Variants in KNL1 observed in about 807,000 individuals in gnomAD.
The protein encoded by KNL1 is kinetochore scaffold 1, also known as outer kinetochore KNL1 complex subunit KNL1.
KNL1 carries 66 observed loss-of-function variants against 201.3 expected under a neutral mutation model. The ratio of observed to expected loss-of-function variants is 0.33; its 90% CI spans 0.27 to 0.40. The LOEUF is 0.40. Ranked by LOEUF, KNL1 falls within the 10% of genes least tolerant of loss-of-function variation. The pLI, the probability that KNL1 is intolerant of heterozygous loss-of-function variation, is 1.00. For synonymous variants in KNL1, 895 were observed against 899.2 expected (o/e 1.00, Z 0.08); for missense variants, 2,815 against 2,690.5 (o/e 1.05, Z -1.02).
intron 25 of KNL1, among the ~76,000 whole-genome samples, 197 bp downstream of exon 25, chr15:40,659,658 A>C (rs1893847295): frequency 6.6e-6 from 1 of 150,920 alleles, no homozygotes; most frequent in South Asian, 2.1e-4. Flanking sequence ...GCACCCGGCT[A>C]ATTTTTTGTA....
At chr15:40,612,541 G>A (rs1892203954) in intron 7 of KNL1, among the ~76,000 whole-genome samples, 2 of 151,834 alleles carry the variant, frequency 1.3e-5, no homozygotes, top group African/African-American at 2.4e-5. Flanking sequence ...TTGTTTAGAC[G>A]GCATCTTCCT....
At chr15:40,598,055 A>G (rs911142868) in intron 1 of KNL1, among the ~76,000 whole-genome samples, 1 of 152,002 alleles carries the variant, frequency 6.6e-6, no homozygotes, top group African/African-American at 2.4e-5. Context: ...CTGGAATCCC[A>G]GCTACTCTGG....
Position 40,657,070 on chromosome 15 carries a change from A to G in KNL1, c.6513A>G (p.Leu2171=). Residue 2171 remains leucine, a synonymous_variant, in exon 23 of 26, where the codon TTA becomes TTG. Transcript: ENST00000399668. ...DEDQAPPSSL[L]VHKLIFQYVE... ...ATCAAGCTCCTCCTTCCTCCCTTTTAGTTCATAAGCTTATTTTCCAGTACG... is the reference window on the plus strand; with the variant it reads ...ATCAAGCTCCTCCTTCCTCCCTTTTGGTTCATAAGCTTATTTTCCAGTACG... 1 of 1,592,644 alleles carries G rather than the reference A, an allele frequency of 6.3e-7. No homozygotes were observed. The highest frequency in any genetic ancestry group is 8.6e-7 in the Non-Finnish European group (1 of 1,169,236).
At chr15:40,648,390 C>T (rs911552157) in intron 17 of KNL1, among the ~76,000 whole-genome samples, 1 of 152,122 alleles carries the variant, frequency 6.6e-6, no homozygotes, top group Non-Finnish European at 1.5e-5. Flanking sequence ...CAAGATCACA[C>T]CACTGCACTC....
chr15:40,637,380 T>TTA (rs1555421999), intron 13 of KNL1, among the ~76,000 whole-genome samples: 2 of 151,388 alleles, frequency 1.3e-5, no homozygotes, highest in African/African-American at 2.4e-5. Flanking sequence ...TTTTTTTTTT[T>TTA]AAGTTTACTT....
At chr15:40,636,034 C>T (rs1893046889) in intron 13 of KNL1, among the ~76,000 whole-genome samples, 2 of 152,118 alleles carry the variant, frequency 1.3e-5, no homozygotes, top group African/African-American at 4.8e-5. Context: ...CATGGGATTT[C>T]GCCATGTTGA....
chr15:40,630,358 A>G (rs1385581818), intron 13 of KNL1, among the ~76,000 whole-genome samples: 1 of 152,250 alleles, frequency 6.6e-6, no homozygotes, highest in East Asian at 1.9e-4. Context: ...TAGAGACTAC[A>G]TCATCTAATC....
At chr15:40,631,929 A>G (rs1892921316) in intron 13 of KNL1, among the ~76,000 whole-genome samples, 1 of 151,452 alleles carries the variant, frequency 6.6e-6, no homozygotes, top group Non-Finnish European at 1.5e-5. Context: ...GGATCTCTTG[A>G]GCCCAGGGGT....
chr15:40,662,121 A>G lies in KNL1; in HGVS notation c.6884A>G (p.Asn2295Ser). 1 of 1,612,970 alleles carries G rather than the reference A, an allele frequency of 6.2e-7. No individual in the cohort carries two copies. Residue 2295 changes from asparagine (N) to serine (S), a missense_variant, in exon 26 of 26, where the codon AAC becomes AGC. By Grantham distance (46) the Asn-to-Ser change is conservative. This residue lies in a region of KNL1 where 334 missense variants were observed against 362.6 expected (regional missense o/e 0.92). Coordinates refer to ENST00000399668, the MANE Select transcript of KNL1 (RefSeq NM_144508.5). ...CTATCTAAAGTGCCACTGGAGAACA[A>G]CTACCTGAAGAATGTAGTCAAGCAA... is the stretch of plus-strand genomic sequence containing the variant. The part of the protein sequence containing the change: ...TILSKVPLEN[N>S]YLKNVVKQIY...
At chr15:40,635,143 G>T (rs2141739310) in intron 13 of KNL1, among the ~76,000 whole-genome samples, 1 of 151,864 alleles carries the variant, frequency 6.6e-6, no homozygotes, top group East Asian at 1.9e-4. Flanking sequence ...CCACCTCCTG[G>T]GTTCATGCCA....
chr15:40,641,045 T>G lies in KNL1; in HGVS notation c.5798+18T>G. The G allele has an allele frequency of 5.3e-6, 8 of 1,510,880 alleles. No homozygotes were observed. Among genetic ancestry groups the G allele is most frequent in the Non-Finnish European group, 6.4e-6 (7 of 1,092,548 alleles). The allele number at this position is 1,510,880 out of a possible 1,614,324, so 93.6% of individuals were successfully genotyped here. ...ATTGAAGAGTATGAAAGCTTTAATT[T>G]TTATGTGTGTTTTTTTGAGGGGAGG... On this transcript the variant is annotated intron_variant, in intron 14 of 25. Coordinates refer to ENST00000399668, the MANE Select transcript of KNL1 (RefSeq NM_144508.5).
intron 25 of KNL1, among the ~76,000 whole-genome samples, chr15:40,660,190 C>T (rs1160191689): frequency 2.6e-5 from 4 of 152,050 alleles, no homozygotes; most frequent in East Asian, 1.9e-4. Flanking sequence ...GGATTACAGG[C>T]GAAGAATTTT....
Position 40,635,123 on chromosome 15 carries a change from A to G in KNL1, c.5682+5752A>G, listed in dbSNP as rs892500401. Among the ~76,000 whole-genome samples, 8 of 149,834 alleles carry G rather than the reference A, an allele frequency of 5.3e-5. No homozygotes were observed. In the East Asian group the frequency reaches 5.9e-4, roughly 11 times the overall value. On this transcript the variant is annotated intron_variant, in intron 13 of 25. Transcript: ENST00000399668. ...GAGTGCAGTGGCACGATCTCGGCTCACTGCAACCTCCACCTCCTGGGTTCA... is the reference window on the plus strand; with the variant it reads ...GAGTGCAGTGGCACGATCTCGGCTCGCTGCAACCTCCACCTCCTGGGTTCA...
At chr15:40,604,974 A>T in intron 2 of KNL1, 136 bp from the exon 3 acceptor site, 1 of 587,698 alleles carries the variant, frequency 1.7e-6, no homozygotes. Context: ...AAAGTCTTGT[A>T]TATAAATTTT....
At chr15:40,604,216 GA>G (rs1369079045) in intron 2 of KNL1, among the ~76,000 whole-genome samples, 4 of 66,694 alleles carry the variant, frequency 6.0e-5, no homozygotes, top group Non-Finnish European at 1.8e-4. Context: ...ATTTAAGGAT[GA>G]GAAAATTGAG....
At chr15:40,602,436 A>G (rs1891835094) in intron 1 of KNL1, among the ~76,000 whole-genome samples, 1 of 140,540 alleles carries the variant, frequency 7.1e-6, no homozygotes, top group Non-Finnish European at 1.6e-5. Flanking sequence ...GCGCCCGGCC[A>G]AAATGCATCG....
chr15:40,652,438 C>T (rs1337346022), intron 21 of KNL1, among the ~76,000 whole-genome samples: 2 of 150,292 alleles, frequency 1.3e-5, no homozygotes, highest in African/African-American at 4.9e-5. Context: ...GAGAATTTAC[C>T]CTAATGGCTG....
intron 22 of KNL1, among the ~76,000 whole-genome samples, chr15:40,656,159 C>T (rs1893724720): frequency 6.6e-6 from 1 of 151,378 alleles, no homozygotes; most frequent in Non-Finnish European, 1.5e-5. Context: ...TGCTGGGTGC[C>T]GTGGCTCACA....
Position 40,621,516 on chromosome 15 carries a change from T to A in KNL1, c.1252T>A (p.Ser418Thr). ...AGCCATGACCCCAGAATCTATATAT[T>A]CTAATCCATCTATTCAAGGTTGTAA... ...ILAMTPESIY[S>T]NPSIQGCKTV... The change falls in exon 10 of 26, where the codon TCT becomes ACT. Residue 418 changes from serine (S) to threonine (T), a missense_variant. Physicochemically the swap from Ser to Thr is moderately conservative, Grantham distance 58. Around this residue, in one of 3 missense-constraint regions of KNL1, gnomAD observed 2,464 missense variants for 2,291.7 expected, o/e 1.08. Transcript: ENST00000399668. 1 of 1,613,760 alleles carries A rather than the reference T, an allele frequency of 6.2e-7. No homozygotes were observed. The highest frequency in any genetic ancestry group is 1.1e-5 in the South Asian group (1 of 91,054).
Sources: allele counts gnomAD v4.1 joint callset (sites outside exome capture counted in the v4.1 genomes callset), GRCh38; gene constraint gnomAD v4.1.1; regional missense constraint gnomAD v4.1.1; transcripts MANE v1.5; gene names NCBI Gene and HGNC (gene_info 2026-07-23, HGNC 2026-07-21).